Variants in RB1 observed in about 807,000 individuals in gnomAD.
RB1 encodes RB transcriptional corepressor 1, also known as retinoblastoma-associated protein.
RB1 carries 18 observed loss-of-function variants against 135.4 expected under a neutral mutation model. That is an observed-to-expected ratio of 0.13 (90% CI 0.09 to 0.20). The LOEUF (loss-of-function observed/expected upper bound fraction) is 0.20, where lower values mean the gene tolerates loss of function less well. Ranked by LOEUF, RB1 falls within the 10% of genes least tolerant of loss-of-function variation. The probability of loss-of-function intolerance (pLI) is 1.00; values close to 1 mark genes in which losing one functional copy is unlikely to be tolerated. For missense variants in RB1, 868 were observed against 1,110.0 expected (o/e 0.78, Z 3.10); for synonymous variants, 365 against 373.2 (o/e 0.98, Z 0.25).
At chr13:48,335,439 C>A (rs1952375094) in intron 2 of RB1, among the ~76,000 whole-genome samples, 1 of 152,068 alleles carries the variant, frequency 6.6e-6, no homozygotes, top group African/African-American at 2.4e-5. Context: ...TGCAAGCATG[C>A]AGTTCTGTTA....
chr13:48,429,025 A>C (rs1385455612), intron 17 of RB1, among the ~76,000 whole-genome samples: 5 of 152,206 alleles, frequency 3.3e-5, no homozygotes, highest in Non-Finnish European at 7.3e-5. Context: ...ATATACCTGA[A>C]TTCTTTTGCT....
At chr13:48,368,402 CTAT>C (rs1952725285) in intron 10 of RB1, 122 bp from the exon 11 acceptor site, 4 of 1,236,816 alleles carry the variant, frequency 3.2e-6, no homozygotes, top group Non-Finnish European at 4.5e-6. Context: ...TCTATCCTAT[CTAT>C]TATTGAGTTA....
At chr13:48,382,119 AT>A (rs1411556022) in intron 17 of RB1, among the ~76,000 whole-genome samples, 2 of 152,196 alleles carry the variant, frequency 1.3e-5, no homozygotes, top group African/African-American at 4.8e-5. Context: ...ATTGTTGGAC[AT>A]TTGGGTTGCT....
chr13:48,382,691 T>G (rs916087029), intron 17 of RB1, among the ~76,000 whole-genome samples: 5 of 152,206 alleles, frequency 3.3e-5, no homozygotes, highest in African/African-American at 4.8e-5. Flanking sequence ...AGAAGCTCTT[T>G]AGTTTAATTA....
chr13:48,440,676 G>C (rs1278576907), intron 17 of RB1, among the ~76,000 whole-genome samples: 1 of 152,052 alleles, frequency 6.6e-6, no homozygotes, highest in African/African-American at 2.4e-5. Context: ...GAAGAACTTA[G>C]TTAAATTTAA....
intron 17 of RB1, among the ~76,000 whole-genome samples, chr13:48,394,863 C>G (rs1948635862): frequency 6.6e-6 from 1 of 152,230 alleles, no homozygotes; most frequent in Non-Finnish European, 1.5e-5. Context: ...CTGAAGAGAG[C>G]AGCAGATCTC....
chr13:48,463,686 C>T (rs1397118311), intron 20 of RB1, 45 bp from the exon 21 acceptor site: 1 of 1,142,158 alleles, frequency 8.8e-7, no homozygotes, highest in Non-Finnish European at 1.3e-6. Flanking sequence ...AGAACAAAAC[C>T]ATGTAATAAA....
At chr13:48,317,409 G>A (rs1157443695) in intron 2 of RB1, 3 of 370,354 alleles carry the variant, frequency 8.1e-6, no homozygotes, top group Non-Finnish European at 1.5e-5. Flanking sequence ...GGGTGAAGTC[G>A]CTCGAGGGCA....
chr13:48,347,224 A>G (rs1380004788), intron 4 of RB1, among the ~76,000 whole-genome samples: 1 of 152,112 alleles, frequency 6.6e-6, no homozygotes, highest in Non-Finnish European at 1.5e-5. Flanking sequence ...CATAGAAGGC[A>G]ATGTCCGAAT....
At chr13:48,306,027 C>T (rs998786305) in intron 1 of RB1, among the ~76,000 whole-genome samples, 2 of 152,174 alleles carry the variant, frequency 1.3e-5, no homozygotes, top group Admixed American at 6.5e-5. Context: ...CCATGCTACT[C>T]AGGAGGCTGA....
intron 24 of RB1, among the ~76,000 whole-genome samples, chr13:48,475,330 A>G (rs939714691): frequency 2.9e-5 from 4 of 139,458 alleles, no homozygotes; most frequent in East Asian, 2.2e-4. Context: ...GAGTTTCTCC[A>G]AAGTCTGTGA....
chr13:48,446,164 G>T (rs1949286073), intron 17 of RB1, among the ~76,000 whole-genome samples: 1 of 151,958 alleles, frequency 6.6e-6, no homozygotes, highest in African/African-American at 2.4e-5. Flanking sequence ...CACCATGTTG[G>T]CCAGGCTGGT....
rs1952051704 is a variant in RB1 at position 48,303,931 on chromosome 13, C to A, written c.19C>A (p.Arg7=). Residue 7 remains arginine (R), a synonymous_variant, in exon 1 of 27, where the codon CGA becomes AGA. Transcript: ENST00000267163. The part of the protein sequence containing the change: MPPKTP[R]KTAATAAAAA... ...AGGCGTCATGCCGCCCAAAACCCCC[C>A]GAAAAACGGCCGCCACCGCCGCCGC... is the stretch of plus-strand genomic sequence containing the variant. 1.3e-6 allele frequency: 2 copies of A among 1,511,456 alleles called. No homozygotes were observed. The highest frequency in any genetic ancestry group is 2.7e-5 in the East Asian group (1 of 37,734). 93.6% of individuals were successfully genotyped at this position (1,511,456 alleles called of 1,614,324 possible).
chr13:48,374,373 G>C (rs1450582177), intron 12 of RB1, among the ~76,000 whole-genome samples: 1 of 152,156 alleles, frequency 6.6e-6, no homozygotes, highest in Non-Finnish European at 1.5e-5. Context: ...ATTGGACATA[G>C]GGTCAGGAGA....
chr13:48,312,474 G>T, intron 2 of RB1, among the ~76,000 whole-genome samples: 1 of 152,182 alleles, frequency 6.6e-6, no homozygotes, highest in East Asian at 1.9e-4. Context: ...TGTTCTTGTT[G>T]TGAGGGTGGG....
Position 48,318,863 on chromosome 13 carries a change from C to T in RB1, c.264+11457C>T, listed in dbSNP as rs1952209813. On this transcript the variant is annotated intron_variant, in intron 2 of 26. Coordinates refer to ENST00000267163, the MANE Select transcript of RB1 (RefSeq NM_000321.3). ...AACTCCCCGACTATGCCTTGAGGGTCAAAACGTCTGGATTTCCTGATCGAT... is the reference window on the plus strand; with the variant it reads ...AACTCCCCGACTATGCCTTGAGGGTTAAAACGTCTGGATTTCCTGATCGAT... The T allele has an allele frequency of 3.6e-6, 4 of 1,115,682 alleles. No homozygotes were observed. The Admixed American group carries it at 6.8e-5, about 19-fold the overall frequency. The allele number at this position is 1,115,682 out of a possible 1,614,324, so 69.1% of individuals were successfully genotyped here. A position where few individuals can be genotyped will look rare whatever the true frequency, so the allele number is the denominator to read the frequency against.
At position 48,481,670 on chromosome 13, in the gene RB1, A is replaced by C. The variant is rs1277555336; in HGVS notation, c.*1599A>C. The C allele has an allele frequency of 1.7e-5, 4 of 230,948 alleles. No homozygotes were observed. Among genetic ancestry groups the C allele is most frequent in the African/African-American group, 8.8e-5 (4 of 45,210 alleles). The allele number at this position is 230,948 out of a possible 1,614,324, so 14.3% of individuals were successfully genotyped here. A position where few individuals can be genotyped will look rare whatever the true frequency, so the allele number is the denominator to read the frequency against. ...TTAGTTTTTAGGTCAAGGGCTTACT[A>C]TTTCTGGGTCTTTTGCTACTAAGTT... On this transcript the variant is annotated 3_prime_UTR_variant, in exon 27 of 27. Transcript: ENST00000267163.
chr13:48,378,656 G>C (rs1007305515), intron 13 of RB1, among the ~76,000 whole-genome samples: 1 of 151,534 alleles, frequency 6.6e-6, no homozygotes, highest in African/African-American at 2.4e-5. Context: ...ACATAAACCA[G>C]TAACATGTTC....
intron 2 of RB1, among the ~76,000 whole-genome samples, chr13:48,321,734 T>TA (rs1207513963): frequency 1.3e-5 from 2 of 152,110 alleles, no homozygotes; most frequent in African/African-American, 4.8e-5. Flanking sequence ...CATGCGCCTG[T>TA]AATCCCAGCT....
Sources: allele counts gnomAD v4.1 joint callset (sites outside exome capture counted in the v4.1 genomes callset), GRCh38; gene constraint gnomAD v4.1.1; transcripts MANE v1.5; gene names NCBI Gene and HGNC (gene_info 2026-07-23, HGNC 2026-07-21).